TSHZ2: variants seen among roughly 807,000 people sequenced by gnomAD.
TSHZ2 encodes teashirt homolog 2.
A neutral mutation model predicts 74.4 loss-of-function variants in TSHZ2; 21 were observed. The observed-to-expected ratio is 0.28, with a 90% CI of 0.20 to 0.41. TSHZ2 has a LOEUF of 0.41. TSHZ2 is among the 10% of genes least tolerant of loss of function. The pLI, the probability that TSHZ2 is intolerant of heterozygous loss-of-function variation, is 1.00. For synonymous variants in TSHZ2, 540 were observed against 515.3 expected (o/e 1.05, Z -0.65); for missense variants, 1,244 against 1,293.5 (o/e 0.96, Z 0.59).
chr20:53,010,484 A>T (rs1378175208), intron 1 of TSHZ2, among the ~76,000 whole-genome samples: 1 of 152,160 alleles, frequency 6.6e-6, no homozygotes. Context: ...AACCAGCTGG[A>T]TGCAAGATCC....
chr20:53,034,734 C>T (rs939374304), intron 1 of TSHZ2, among the ~76,000 whole-genome samples: 1 of 152,156 alleles, frequency 6.6e-6, no homozygotes, highest in African/African-American at 2.4e-5. Flanking sequence ...GGCCCTAAGG[C>T]AGAAATGTTT....
chr20:53,088,182 C>A (rs967657031), intron 1 of TSHZ2, among the ~76,000 whole-genome samples: 1 of 152,094 alleles, frequency 6.6e-6, no homozygotes, highest in African/African-American at 2.4e-5. Context: ...TCTTGAGGTC[C>A]AGCACTGGGG....
chr20:53,286,189 C>T (rs749492001), intron 2 of TSHZ2, among the ~76,000 whole-genome samples: 150 of 152,128 alleles, frequency 9.9e-4, no homozygotes, highest in Admixed American at 2.7e-3. Flanking sequence ...TGACTTCTTG[C>T]CATTTGTGTT....
rs4571114 is a variant in TSHZ2 at position 53,461,190 on chromosome 20, G to C, written c.*9-25954G>C. Among the ~76,000 whole-genome samples the C allele has an allele frequency of 2.6e-5, 4 of 152,094 alleles. No individual in the cohort carries two copies. In the East Asian group the frequency reaches 7.7e-4, roughly 29 times the overall value. ...TCAGACTGCTGTGCTAGCAATCAGC[G>C]AGACTCCATGGGCGTAGGACCCTCC... On this transcript the variant is annotated intron_variant, in intron 2 of 2. Coordinates refer to ENST00000371497, the MANE Select transcript of TSHZ2 (RefSeq NM_173485.6).
chr20:53,473,397 A>G (rs1438721396), intron 2 of TSHZ2, among the ~76,000 whole-genome samples: 1 of 141,808 alleles, frequency 7.1e-6, no homozygotes, highest in Non-Finnish European at 1.5e-5. Context: ...GCAGGGGCAC[A>G]CTGACACCTC....
chr20:53,072,326 A>G (rs1829401786), intron 1 of TSHZ2, among the ~76,000 whole-genome samples: 1 of 152,250 alleles, frequency 6.6e-6, no homozygotes, highest in South Asian at 2.1e-4. Context: ...TGCAAAGAGT[A>G]TCTTCAGGGT....
chr20:53,433,584 GACACACACACACACACACAC>G (rs59162370), intron 2 of TSHZ2, among the ~76,000 whole-genome samples: 212 of 137,158 alleles, frequency 1.5e-3, no homozygotes, highest in Non-Finnish European at 2.5e-3. Context: ...CAGACACACA[GACACACACACACACACACAC>G]ACACACACAC....
At position 53,403,810 on chromosome 20, in the gene TSHZ2, G is replaced by C. The variant is rs192832411; in HGVS notation, c.*9-83334G>C. 3.7e-4 allele frequency among the ~76,000 whole-genome samples: 57 copies of C among 152,264 alleles called. No individual in the cohort carries two copies. In the South Asian group the frequency reaches 4.1e-3, roughly 11 times the overall value. ...ATTTCCAGCTGAAGGTCTGCGGCTCGTAGGCTCTGGGCATCTTCCCCTCTT... is the reference window on the plus strand; with the variant it reads ...ATTTCCAGCTGAAGGTCTGCGGCTCCTAGGCTCTGGGCATCTTCCCCTCTT... On this transcript the variant is annotated intron_variant, in intron 2 of 2. Transcript: ENST00000371497.
chr20:53,091,187 T>C (rs1390776634), intron 1 of TSHZ2, among the ~76,000 whole-genome samples: 1 of 152,270 alleles, frequency 6.6e-6, no homozygotes, highest in East Asian at 1.9e-4. Context: ...ATTGCCAATG[T>C]CAGTTGTGAT....
intron 2 of TSHZ2, among the ~76,000 whole-genome samples, chr20:53,459,687 G>A (rs1477941075): frequency 1.8e-4 from 25 of 141,854 alleles, no homozygotes; most frequent in East Asian, 1.4e-3. Context: ...ATTTTGCAGC[G>A]GCTGGTACCG....
intron 2 of TSHZ2, among the ~76,000 whole-genome samples, chr20:53,329,649 G>T (rs1979639119): frequency 6.7e-6 from 1 of 149,738 alleles, no homozygotes; most frequent in Non-Finnish European, 1.5e-5. Flanking sequence ...ATGGATAATG[G>T]TTGTGGGGGG....
chr20:53,202,216 C>T (rs1306309670), intron 1 of TSHZ2, among the ~76,000 whole-genome samples: 1 of 152,150 alleles, frequency 6.6e-6, no homozygotes, highest in Non-Finnish European at 1.5e-5. Flanking sequence ...TGTAGAGGGT[C>T]GATGAGTACC....
rs547541236 is a variant in TSHZ2, at chr20:53,027,685, G to A, written c.40+54352G>A. Among the ~76,000 whole-genome samples, 3 of 152,218 alleles carry A rather than the reference G, an allele frequency of 2.0e-5. No homozygotes were observed. In the East Asian group the frequency reaches 5.8e-4, roughly 29 times the overall value. On this transcript the variant is annotated intron_variant, in intron 1 of 2. Coordinates refer to ENST00000371497, the MANE Select transcript of TSHZ2 (RefSeq NM_173485.6). ...GGGTGCAGGGGATCGCTTGAGCCCA[G>A]GAGTTTGAAGCTGCAATAAGTTAAG...
At chr20:53,025,258 T>A (rs927277757) in intron 1 of TSHZ2, among the ~76,000 whole-genome samples, 7 of 152,094 alleles carry the variant, frequency 4.6e-5, no homozygotes, top group African/African-American at 1.7e-4. Context: ...TTTAAACATT[T>A]TATAGTAAGA....
intron 1 of TSHZ2, among the ~76,000 whole-genome samples, chr20:53,192,324 C>T (rs1468853030): frequency 1.3e-5 from 2 of 151,656 alleles, no homozygotes; most frequent in African/African-American, 2.4e-5. Context: ...AACAACTTTG[C>T]TTGTGCATGT....
intron 2 of TSHZ2, among the ~76,000 whole-genome samples, chr20:53,335,090 G>A (rs1475612230): frequency 1.3e-5 from 2 of 152,222 alleles, no homozygotes; most frequent in Admixed American, 1.3e-4. Flanking sequence ...GGTGAGAGAC[G>A]ACCATGCCTT....
rs1219992710 is a variant in TSHZ2, at chr20:53,190,131, A to T, written c.41-63368A>T. Among the ~76,000 whole-genome samples, 145 of 87,010 alleles carry T rather than the reference A, an allele frequency of 1.7e-3. 5 individuals are homozygous for T. Among genetic ancestry groups the T allele is most frequent in the African/African-American group, 6.6e-3 (138 of 20,952 alleles). The allele number at this position is 87,010 out of a possible 152,430, so 57.1% of individuals were successfully genotyped here. A position where few individuals can be genotyped will look rare whatever the true frequency, so the allele number is the denominator to read the frequency against. On this transcript the variant is annotated intron_variant, in intron 1 of 2. Coordinates refer to ENST00000371497, the MANE Select transcript of TSHZ2 (RefSeq NM_173485.6). Reference sequence around the variant, plus strand: ...TATATATATATATATATATATATATATATATATTTTCTTAAATGCCTCTGT... The same window carrying T: ...TATATATATATATATATATATATATTTATATATTTTCTTAAATGCCTCTGT...
intron 2 of TSHZ2, among the ~76,000 whole-genome samples, chr20:53,459,027 A>T (rs1600657300): frequency 6.6e-6 from 1 of 152,158 alleles, no homozygotes; most frequent in Non-Finnish European, 1.5e-5. Flanking sequence ...TGCTGAAAAA[A>T]ATATATATTC....
At chr20:53,275,682 CTT>C (rs1277363320) in intron 2 of TSHZ2, among the ~76,000 whole-genome samples, 2 of 152,188 alleles carry the variant, frequency 1.3e-5, no homozygotes, top group African/African-American at 4.8e-5. Context: ...AATTCCAACA[CTT>C]TGGGAGGCCA....
Sources: allele counts gnomAD v4.1 joint callset (sites outside exome capture counted in the v4.1 genomes callset), GRCh38; gene constraint gnomAD v4.1.1; transcripts MANE v1.5; gene names NCBI Gene and HGNC (gene_info 2026-07-23, HGNC 2026-07-21).